Variants in ARID1B observed in about 807,000 individuals in gnomAD.
The protein encoded by ARID1B is AT-rich interactive domain-containing protein 1B.
ARID1B carries 30 observed loss-of-function variants against 212.3 expected under a neutral mutation model. The observed-to-expected ratio is 0.14, with a 90% CI of 0.11 to 0.19. The LOEUF is 0.19. ARID1B is among the 10% of genes least tolerant of loss of function. ARID1B has a pLI of 1.00. For synonymous variants in ARID1B, 1,402 were observed against 1,301.7 expected (o/e 1.08, Z -1.66); for missense variants, 2,891 against 3,204.0 (o/e 0.90, Z 2.36).
intron 1 of ARID1B, among the ~76,000 whole-genome samples, chr6:156,822,305 T>C (rs749125822): frequency 3.9e-5 from 6 of 152,242 alleles, no homozygotes; most frequent in Non-Finnish European, 8.8e-5. Context: ...AGGCAGTGTT[T>C]TGTTGTGAGT....
intron 4 of ARID1B, among the ~76,000 whole-genome samples, chr6:156,990,256 C>T (rs1778190374): frequency 6.6e-6 from 1 of 151,142 alleles, no homozygotes; most frequent in Non-Finnish European, 1.5e-5. Context: ...TCACTGCAGC[C>T]TGGAACTCCC....
At chr6:156,812,401 A>C (rs287890) in intron 1 of ARID1B, among the ~76,000 whole-genome samples, 23,636 of 152,140 alleles carry the variant, frequency 0.16, 2,078 homozygotes, top group Non-Finnish European at 0.19. Flanking sequence ...CCATTTCTTC[A>C]AGAAAGAAGT....
chr6:156,983,580 G>A (rs748356332), intron 4 of ARID1B, among the ~76,000 whole-genome samples: 4 of 152,106 alleles, frequency 2.6e-5, no homozygotes, highest in Admixed American at 6.6e-5. Context: ...GACACTGGTC[G>A]TGTTCTGCTT....
At chr6:156,946,769 C>T (rs183253214) in intron 4 of ARID1B, among the ~76,000 whole-genome samples, 11 of 152,146 alleles carry the variant, frequency 7.2e-5, no homozygotes, top group South Asian at 2.1e-4. Flanking sequence ...GTGTTGGTGG[C>T]GTTGCTGACA....
intron 1 of ARID1B, among the ~76,000 whole-genome samples, chr6:156,781,360 CTA>C: frequency 6.6e-6 from 1 of 151,864 alleles, no homozygotes; most frequent in Non-Finnish European, 1.5e-5. Flanking sequence ...ATTAGGGAAA[CTA>C]TATTCTAAGC....
chr6:157,173,953 A>G, intron 9 of ARID1B, 55 bp from the exon 10 acceptor site: 1 of 1,476,228 alleles, frequency 6.8e-7, no homozygotes, highest in East Asian at 2.3e-5. Context: ...TGGCAGGAGT[A>G]CAGTCTGACG....
intron 2 of ARID1B, among the ~76,000 whole-genome samples, chr6:156,893,021 ACT>A (rs1164020242): frequency 9.2e-5 from 13 of 140,874 alleles, no homozygotes; most frequent in East Asian, 5.9e-4. Context: ...AAGCTATAAA[ACT>A]CTTTTTTTTT....
chr6:157,034,569 A>T (rs146622991), intron 4 of ARID1B, among the ~76,000 whole-genome samples: 1 of 152,342 alleles, frequency 6.6e-6, no homozygotes, highest in African/African-American at 2.4e-5. Flanking sequence ...AGGAACAAAA[A>T]AGCTTAGCTG....
intron 2 of ARID1B, among the ~76,000 whole-genome samples, chr6:156,858,959 G>A (rs994454925): frequency 6.6e-6 from 1 of 152,148 alleles, no homozygotes; most frequent in Non-Finnish European, 1.5e-5. Context: ...GAGGGTGAAT[G>A]TGAAGGCCTA....
intron 4 of ARID1B, among the ~76,000 whole-genome samples, chr6:157,032,245 A>AG (rs1417236147): frequency 6.6e-6 from 1 of 152,270 alleles, no homozygotes; most frequent in Non-Finnish European, 1.5e-5. Flanking sequence ...TAACACAGTT[A>AG]TGAGCATTTT....
chr6:157,129,266 A>G (rs9478752), intron 6 of ARID1B, among the ~76,000 whole-genome samples: 1 of 152,336 alleles, frequency 6.6e-6, no homozygotes, highest in Non-Finnish European at 1.5e-5. Context: ...GCTGTATTCA[A>G]TACCCACTGC....
At position 157,181,137 on chromosome 6, in the gene ARID1B, C is replaced by A. The variant is rs387907141; in HGVS notation, c.3673C>A (p.Arg1225=). The A allele has an allele frequency of 6.2e-7, 1 of 1,614,200 alleles. No homozygotes were observed. The highest frequency in any genetic ancestry group is 8.5e-7 in the Non-Finnish European group (1 of 1,180,044). Residue 1225 remains arginine (R), a synonymous_variant, in exon 12 of 20, where the codon CGA becomes AGA. Transcript: ENST00000636930. ...AVGKKPLDLF[R]LYVCVKEIGG... is the part of the protein sequence containing the mutation. ...GGGCAAGAAGCCCCTGGACCTGTTCCGACTCTACGTCTGCGTCAAAGAGAT... is the reference window on the plus strand; with the variant it reads ...GGGCAAGAAGCCCCTGGACCTGTTCAGACTCTACGTCTGCGTCAAAGAGAT...
At chr6:156,824,289 T>G (rs1179185990) in intron 1 of ARID1B, among the ~76,000 whole-genome samples, 1 of 152,228 alleles carries the variant, frequency 6.6e-6, no homozygotes, top group Non-Finnish European at 1.5e-5. Context: ...GCACTTGTCT[T>G]ATTTTCTGGA....
chr6:157,178,703 T>C (rs1327572957), intron 11 of ARID1B, among the ~76,000 whole-genome samples: 1 of 148,024 alleles, frequency 6.8e-6, no homozygotes, highest in Non-Finnish European at 1.5e-5. Flanking sequence ...CAAATTGAGA[T>C]AGGCACAAGT....
chr6:157,075,773 C>CA (rs1330803655), intron 4 of ARID1B, among the ~76,000 whole-genome samples: 1 of 152,200 alleles, frequency 6.6e-6, no homozygotes, highest in African/African-American at 2.4e-5. Flanking sequence ...TCTGTAAGCC[C>CA]AGTCTCATCA....
chr6:157,096,107 C>G (rs1290798841), intron 5 of ARID1B, among the ~76,000 whole-genome samples: 3 of 152,178 alleles, frequency 2.0e-5, no homozygotes, highest in Non-Finnish European at 4.4e-5. Context: ...CAAACTCCTC[C>G]TTACCCTTCA....
intron 4 of ARID1B, among the ~76,000 whole-genome samples, chr6:157,058,921 CACAG>C (rs1783152135): frequency 6.6e-6 from 1 of 152,132 alleles, no homozygotes; most frequent in Admixed American, 6.5e-5. Flanking sequence ...AGGGTAGCCT[CACAG>C]ACAGGCAGGA....
intron 4 of ARID1B, among the ~76,000 whole-genome samples, chr6:156,996,356 C>A (rs952214052): frequency 1.3e-5 from 2 of 152,060 alleles, no homozygotes; most frequent in Non-Finnish European, 2.9e-5. Flanking sequence ...CTGAAATGTC[C>A]CCAGTCCCTC....
chr6:156,972,734 A>G (rs572137157), intron 4 of ARID1B, among the ~76,000 whole-genome samples: 7 of 152,328 alleles, frequency 4.6e-5, no homozygotes, highest in Non-Finnish European at 7.4e-5. Context: ...AGAGACCTGC[A>G]GGACTTAGAA....
Sources: gnomAD v4.1 joint callset for allele counts (sites outside exome capture counted in the v4.1 genomes callset) on GRCh38, gnomAD v4.1.1 for gene constraint, MANE v1.5 for transcripts, NCBI Gene and HGNC (gene_info 2026-07-23, HGNC 2026-07-21) for gene names.